The following DOCK4 variants were observed in gnomAD, a reference collection of about 807,000 sequenced individuals.
DOCK4 encodes the protein dedicator of cytokinesis protein 4.
In DOCK4, 97 loss-of-function variants were observed where a neutral mutation model predicts 268.1. That is an observed-to-expected ratio of 0.36 (90% CI 0.31 to 0.43). The LOEUF is 0.43. Among genes scored for constraint, DOCK4 ranks in the 20% least tolerant of loss-of-function variants. DOCK4 has a pLI of 1.00. For missense variants in DOCK4, 2,145 were observed against 2,455.7 expected, an observed-to-expected ratio of 0.87 and a Z score of 2.67; for synonymous variants, 954 against 887.2, an observed-to-expected ratio of 1.08 and a Z score of -1.34.
intron 1 of DOCK4, among the ~76,000 whole-genome samples, chr7:112,061,237 C>T (rs1806355852): frequency 6.6e-6 from 1 of 152,176 alleles, no homozygotes. Flanking sequence ...TACAGCCCCA[C>T]ACACAGAAGT....
chr7:111,782,610 G>A (rs956617400), intron 35 of DOCK4, among the ~76,000 whole-genome samples: 2 of 152,164 alleles, frequency 1.3e-5, no homozygotes. Flanking sequence ...ATCACTCTGG[G>A]ATCCCACACG....
chr7:111,896,094 T>C (rs1355820844), intron 15 of DOCK4, among the ~76,000 whole-genome samples: 1 of 152,162 alleles, frequency 6.6e-6, no homozygotes, highest in Non-Finnish European at 1.5e-5. Context: ...ATATGATAAA[T>C]GAATGAACAA....
intron 6 of DOCK4, among the ~76,000 whole-genome samples, chr7:111,988,777 C>T (rs1465462098): frequency 6.6e-6 from 1 of 152,182 alleles, no homozygotes; most frequent in East Asian, 1.9e-4. Context: ...TGAGCATGTC[C>T]ACACCATCAA....
At chr7:111,930,186 T>C (rs973282400) in intron 12 of DOCK4, among the ~76,000 whole-genome samples, 17 of 152,254 alleles carry the variant, frequency 1.1e-4, no homozygotes, top group African/African-American at 3.9e-4. Flanking sequence ...CTACTCAACC[T>C]AACTATATCT....
intron 1 of DOCK4, among the ~76,000 whole-genome samples, chr7:112,066,670 C>CATATAT (rs1221626143): frequency 1.9e-5 from 1 of 51,676 alleles, no homozygotes; most frequent in Non-Finnish European, 3.7e-5. Context: ...TATACATATA[C>CATATAT]ATATACATAT....
Position 112,143,760 on chromosome 7 carries a change from C to A in DOCK4, c.37+62342G>T, listed in dbSNP as rs146273670. Among the ~76,000 whole-genome samples the A allele has an allele frequency of 2.4e-3, 371 of 152,312 alleles. 2 individuals are homozygous for A. The highest frequency in any genetic ancestry group is 8.3e-3 in the African/African-American group (346 of 41,570). Reference sequence around the variant, plus strand: ...GAAGAGCTACATGGGCCAAACCCAACCCCAGCCATCTCCTCTAGGAAGCCT... The same window carrying A: ...GAAGAGCTACATGGGCCAAACCCAAACCCAGCCATCTCCTCTAGGAAGCCT... On this transcript the variant is annotated intron_variant, in intron 1 of 52. Transcript: ENST00000428084.
At chr7:111,747,163 A>ATG (rs1301517933) in intron 43 of DOCK4, 104 bp downstream of exon 43, 2 of 1,062,986 alleles carry the variant, frequency 1.9e-6, no homozygotes, top group African/African-American at 3.2e-5. Context: ...TCGCAGCCCT[A>ATG]TGTTTGCGTG....
rs766192021 is a variant in DOCK4, at chr7:111,896,062, A to T, written c.1481-344T>A. 2.0e-5 allele frequency among the ~76,000 whole-genome samples: 3 copies of T among 152,226 alleles called. No homozygotes were observed. In the South Asian group the frequency reaches 6.2e-4, roughly 32 times the overall value. On this transcript the variant is annotated intron_variant, in intron 15 of 52. Coordinates refer to ENST00000428084, the MANE Select transcript of DOCK4 (RefSeq NM_001363540.2). ...TTTATTGTTTCAAAGAGTGCTAGGA[A>T]CATAGTAGGTGCTTAATAAATATAT... is the stretch of plus-strand genomic sequence containing the variant.
chr7:112,038,165 T>C (rs1586695703), intron 1 of DOCK4, among the ~76,000 whole-genome samples: 1 of 152,238 alleles, frequency 6.6e-6, no homozygotes. Flanking sequence ...GATCATAACA[T>C]TTTATATCTG....
intron 8 of DOCK4, among the ~76,000 whole-genome samples, chr7:111,946,818 G>C (rs761636298): frequency 1.8e-4 from 27 of 152,224 alleles, no homozygotes; most frequent in Non-Finnish European, 3.1e-4. Context: ...CTGGCCTCAA[G>C]TGATCTGCCT....
chr7:112,128,503 A>T (rs2116049684), intron 1 of DOCK4, among the ~76,000 whole-genome samples: 1 of 152,344 alleles, frequency 6.6e-6, no homozygotes, highest in Non-Finnish European at 1.5e-5. Flanking sequence ...AAAGATTGAG[A>T]AATCGGATGG....
intron 27 of DOCK4, chr7:111,819,910 CAG>C (rs1378050712): frequency 6.6e-5 from 10 of 152,278 alleles, no homozygotes; most frequent in Non-Finnish European, 1.5e-4. Context: ...TGGTCAACTT[CAG>C]AGACATAGAT....
intron 30 of DOCK4, among the ~76,000 whole-genome samples, chr7:111,796,356 CTTAA>C (rs749479775): frequency 2.6e-5 from 4 of 152,214 alleles, no homozygotes; most frequent in Non-Finnish European, 4.4e-5. Context: ...ACAAACATAA[CTTAA>C]TTGTTTCTCA....
chr7:111,888,546 A>G (rs1433566368), intron 16 of DOCK4, among the ~76,000 whole-genome samples: 7 of 151,970 alleles, frequency 4.6e-5, no homozygotes, highest in Non-Finnish European at 1.0e-4. Context: ...ATGGGTAGAG[A>G]GGCAATACAG....
intron 1 of DOCK4, among the ~76,000 whole-genome samples, chr7:112,127,110 C>A (rs1267475172): frequency 6.7e-6 from 1 of 148,880 alleles, no homozygotes; most frequent in Non-Finnish European, 1.5e-5. Context: ...CACATGCACA[C>A]GTATGTTTAT....
At chr7:111,751,637 G>T (rs1416479141) in intron 42 of DOCK4, among the ~76,000 whole-genome samples, 2 of 152,256 alleles carry the variant, frequency 1.3e-5, no homozygotes, top group South Asian at 4.1e-4. Context: ...TAGCGACAGG[G>T]TTTTGCCATA....
chr7:112,030,520 T>C (rs1318655239), intron 1 of DOCK4, among the ~76,000 whole-genome samples: 2 of 152,260 alleles, frequency 1.3e-5, no homozygotes, highest in African/African-American at 4.8e-5. Context: ...TCATCTTTTC[T>C]AATAATTATA....
chr7:112,018,492 G>A (rs979301517), intron 1 of DOCK4, among the ~76,000 whole-genome samples: 1 of 152,102 alleles, frequency 6.6e-6, no homozygotes, highest in African/African-American at 2.4e-5. Context: ...GTTCCCCTGG[G>A]AATCATGCCC....
At chr7:111,732,200 G>A (rs1460421401) in intron 52 of DOCK4, 26 bp downstream of exon 52, 2 of 1,612,022 alleles carry the variant, frequency 1.2e-6, no homozygotes, top group African/African-American at 2.7e-5. Flanking sequence ...CCAGTCTCTA[G>A]CCTCAGTCGA....
Sources: allele counts gnomAD v4.1 joint callset (sites outside exome capture counted in the v4.1 genomes callset), GRCh38; gene constraint gnomAD v4.1.1; transcripts MANE v1.5; gene names NCBI Gene and HGNC (gene_info 2026-07-23, HGNC 2026-07-21).